Variants in PCDH9 observed in about 807,000 individuals in gnomAD.
PCDH9 encodes protocadherin 9.
Under a neutral mutation model 70.6 loss-of-function variants are expected in PCDH9, and 24 were observed. The ratio of observed to expected loss-of-function variants is 0.34; its 90% CI spans 0.25 to 0.48. The LOEUF (loss-of-function observed/expected upper bound fraction) is 0.48, where lower values mean the gene tolerates loss of function less well. PCDH9 is among the 20% of genes least tolerant of loss of function. The pLI is 0.99. For missense variants in PCDH9, 1,281 were observed against 1,503.6 expected (o/e 0.85, Z 2.45); for synonymous variants, 562 against 558.5 (o/e 1.01, Z -0.09).
chr13:66,397,043 G>A (rs184831267), intron 4 of PCDH9, among the ~76,000 whole-genome samples: 1 of 152,246 alleles, frequency 6.6e-6, no homozygotes, highest in African/African-American at 2.4e-5. Context: ...GTTTGATATT[G>A]TGATTGAACT....
intron 3 of PCDH9, among the ~76,000 whole-genome samples, chr13:66,791,577 ATAAT>A (rs1158716496): frequency 6.6e-6 from 1 of 152,150 alleles, no homozygotes; most frequent in African/African-American, 2.4e-5. Flanking sequence ...TAATTTGTAA[ATAAT>A]TATGTTTTTA....
chr13:66,950,036 A>G (rs1398651858), intron 2 of PCDH9, among the ~76,000 whole-genome samples: 1 of 152,122 alleles, frequency 6.6e-6, no homozygotes, highest in African/African-American at 2.4e-5. Context: ...AAGTTTAATT[A>G]TCTCAGGAAA....
chr13:66,668,770 A>T (rs1310481362), intron 3 of PCDH9, among the ~76,000 whole-genome samples: 1 of 152,150 alleles, frequency 6.6e-6, no homozygotes, highest in Non-Finnish European at 1.5e-5. Flanking sequence ...CTTTGCAAAG[A>T]TATATGTTGA....
chr13:67,116,948 T>G (rs1380320918), intron 2 of PCDH9, among the ~76,000 whole-genome samples: 1 of 152,154 alleles, frequency 6.6e-6, no homozygotes, highest in East Asian at 1.9e-4. Context: ...CTGGGCCAAA[T>G]TTTATTCACG....
At chr13:67,026,861 C>A (rs547865573) in intron 2 of PCDH9, among the ~76,000 whole-genome samples, 1 of 151,792 alleles carries the variant, frequency 6.6e-6, no homozygotes, top group Non-Finnish European at 1.5e-5. Flanking sequence ...TTACAAGGGA[C>A]GTGAAGGACC....
intron 3 of PCDH9, among the ~76,000 whole-genome samples, chr13:66,769,131 C>T (rs982274973): frequency 1.3e-5 from 2 of 151,994 alleles, no homozygotes; most frequent in Non-Finnish European, 2.9e-5. Context: ...TATTAAGTCT[C>T]AATCAGCCAT....
At chr13:67,038,772 C>T (rs260154) in intron 2 of PCDH9, among the ~76,000 whole-genome samples, 3,538 of 152,210 alleles carry the variant, frequency 0.023, 130 homozygotes, top group African/African-American at 0.079. Context: ...GGAGTGATCA[C>T]GTTGGTAGGA....
At chr13:67,016,814 T>C (rs993695574) in intron 2 of PCDH9, among the ~76,000 whole-genome samples, 2 of 152,234 alleles carry the variant, frequency 1.3e-5, no homozygotes, top group African/African-American at 4.8e-5. Context: ...TGTATTATTA[T>C]ACTTATGTGT....
intron 4 of PCDH9, among the ~76,000 whole-genome samples, chr13:66,322,972 G>A (rs1399803639): frequency 6.6e-5 from 10 of 151,910 alleles, no homozygotes. Context: ...ACTGTGATAT[G>A]TTATATGTTT....
chr13:66,935,624 T>C (rs1368086195), intron 2 of PCDH9, among the ~76,000 whole-genome samples: 3 of 152,266 alleles, frequency 2.0e-5, no homozygotes, highest in African/African-American at 7.2e-5. Flanking sequence ...CAAGTGGAAG[T>C]GCATTTTTTT....
At chr13:66,984,504 C>A (rs1184226193) in intron 2 of PCDH9, among the ~76,000 whole-genome samples, 4 of 152,088 alleles carry the variant, frequency 2.6e-5, no homozygotes, top group African/African-American at 7.2e-5. Flanking sequence ...TTGTTTTGAC[C>A]TAGGACAAAT....
intron 4 of PCDH9, among the ~76,000 whole-genome samples, chr13:66,399,501 A>T (rs1024925811): frequency 6.6e-6 from 1 of 152,278 alleles, no homozygotes; most frequent in Non-Finnish European, 1.5e-5. Context: ...TGTTACTGAT[A>T]CTTGTTTGGA....
intron 2 of PCDH9, among the ~76,000 whole-genome samples, chr13:66,905,438 A>G (rs1304454678): frequency 6.6e-6 from 1 of 152,148 alleles, no homozygotes; most frequent in Non-Finnish European, 1.5e-5. Flanking sequence ...TCAATGACTG[A>G]GTCCCACCTC....
intron 2 of PCDH9, chr13:67,200,957 C>T (rs1021323725): frequency 6.6e-6 from 1 of 152,028 alleles, no homozygotes; most frequent in Middle Eastern, 3.2e-3. Context: ...TATTAGAAGA[C>T]CAGAGCAAAA....
chr13:66,942,501 C>G (rs570957633), intron 2 of PCDH9, among the ~76,000 whole-genome samples: 1 of 151,942 alleles, frequency 6.6e-6, no homozygotes, highest in African/African-American at 2.4e-5. Context: ...GCTACAGATT[C>G]TGTAGATAAT....
At chr13:67,117,014 G>A (rs556860436) in intron 2 of PCDH9, among the ~76,000 whole-genome samples, 159 of 152,230 alleles carry the variant, frequency 1.0e-3, no homozygotes, top group Non-Finnish European at 1.8e-3. Context: ...GAAACTTATG[G>A]AGTGGAGAAA....
At chr13:67,009,889 G>T (rs2084422070) in intron 2 of PCDH9, among the ~76,000 whole-genome samples, 1 of 151,702 alleles carries the variant, frequency 6.6e-6, no homozygotes, top group Admixed American at 6.6e-5. Flanking sequence ...CTATACATTG[G>T]AATTTTTATA....
At chr13:67,014,253 T>C (rs991689631) in intron 2 of PCDH9, among the ~76,000 whole-genome samples, 2 of 152,252 alleles carry the variant, frequency 1.3e-5, no homozygotes, top group African/African-American at 2.4e-5. Context: ...GATTGTCTTA[T>C]ATTGATGCCC....
rs980521419 is a variant in PCDH9, at chr13:66,773,639, A to C, written c.3138+129865T>G. Among the ~76,000 whole-genome samples the C allele has an allele frequency of 2.6e-4, 39 of 151,698 alleles. No homozygotes were observed. In the East Asian group the frequency reaches 7.4e-3, roughly 29 times the overall value. On this transcript the variant is annotated intron_variant, in intron 3 of 4. Coordinates refer to ENST00000377865, the MANE Select transcript of PCDH9 (RefSeq NM_203487.3). ...AGCCAGACACCGTCTCAAAAAAATAAATAAATAAAATAAAATAAAAATAAA... is the reference window on the plus strand; with the variant it reads ...AGCCAGACACCGTCTCAAAAAAATACATAAATAAAATAAAATAAAAATAAA...
Sources: gnomAD v4.1 joint callset for allele counts (sites outside exome capture counted in the v4.1 genomes callset) on GRCh38, gnomAD v4.1.1 for gene constraint, MANE v1.5 for transcripts, NCBI Gene and HGNC (gene_info 2026-07-23, HGNC 2026-07-21) for gene names.